The following TPM3 variants were observed in gnomAD, a reference collection of about 807,000 sequenced individuals.
TPM3 encodes the protein tropomyosin 3, also known as tropomyosin alpha-3 chain.
A neutral mutation model predicts 43.1 loss-of-function variants in TPM3; 16 were observed. That is an observed-to-expected ratio of 0.37 (90% CI 0.25 to 0.56). The LOEUF is 0.56. Among genes scored for constraint, TPM3 ranks in the 20% least tolerant of loss-of-function variants. TPM3 has a pLI of 0.77. For synonymous variants in TPM3, 101 were observed against 116.9 expected (o/e 0.86, Z 0.88); for missense variants, 176 against 337.2 (o/e 0.52, Z 3.74).
intron 2 of TPM3, chr1:154,183,592 T>G (rs928559490): frequency 2.9e-5 from 7 of 242,542 alleles, no homozygotes; most frequent in African/African-American, 8.9e-5. Context: ...ATCCTACAAG[T>G]CTCTGCTTCC....
chr1:154,174,407 T>TATATACACACACAC (rs1261318136), intron 3 of TPM3, among the ~76,000 whole-genome samples: 8 of 72,690 alleles, frequency 1.1e-4, no homozygotes, highest in East Asian at 5.8e-4. Context: ...TATATATATA[T>TATATACACACACAC]ACACACAAAA....
Position 154,165,407 on chromosome 1 carries a change from TA to T in TPM3, c.*2529del, listed in dbSNP as rs1485943181. ...TCTCAAAAAGAGAAAAATAAATAAA[TA>T]ATGGAATGCTCAATATTCACTATCC... On this transcript the variant is annotated 3_prime_UTR_variant, in exon 10 of 10. Transcript: ENST00000651641. Among the ~76,000 whole-genome samples, 1 of 151,522 alleles carries T rather than the reference TA, an allele frequency of 6.6e-6. No individual in the cohort carries two copies. Among genetic ancestry groups the T allele is most frequent in the African/African-American group, 2.4e-5 (1 of 41,244 alleles).
chr1:154,178,398 G>A (rs1311932676), intron 2 of TPM3, among the ~76,000 whole-genome samples: 2 of 152,234 alleles, frequency 1.3e-5, no homozygotes, highest in African/African-American at 4.8e-5. Flanking sequence ...CAGAACCTGA[G>A]ATGGGAGTCC....
rs146858769 is a variant in TPM3 at position 154,173,907 on chromosome 1, G to A, written c.378-706C>T. 3.1e-3 allele frequency among the ~76,000 whole-genome samples: 464 copies of A among 151,532 alleles called. 2 individuals carry two copies. Among genetic ancestry groups the A allele is most frequent in the African/African-American group, 0.011 (449 of 41,312 alleles). On this transcript the variant is annotated intron_variant, in intron 3 of 9. Coordinates refer to ENST00000651641, the MANE Select transcript of TPM3 (RefSeq NM_152263.4). ...AGGCAAGATAATCACTTGAACCCGG[G>A]AGGCAGAGGTTGCAGTAAGCCAAGA...
intron 2 of TPM3, among the ~76,000 whole-genome samples, chr1:154,185,098 G>A (rs1236606816): frequency 6.6e-6 from 1 of 152,138 alleles, no homozygotes; most frequent in Non-Finnish European, 1.5e-5. Flanking sequence ...TTGGCCAGAT[G>A]TGGTGGCTCA....
At chr1:154,170,569 C>T (rs1571397039) in intron 7 of TPM3, 80 bp downstream of exon 7, 1 of 1,596,246 alleles carries the variant, frequency 6.3e-7, no homozygotes, top group Non-Finnish European at 8.6e-7. Flanking sequence ...AGAACCCAAA[C>T]CAGCCAGTTT....
At chr1:154,161,498 C>T (rs767660513), downstream of TPM3, among the ~76,000 whole-genome samples, 7 of 138,278 alleles carry the variant, frequency 5.1e-5, no homozygotes, top group Admixed American at 2.4e-4. Flanking sequence ...TGCAATGGTA[C>T]GATTTTGGTT....
In TPM3 at chr1:154,162,374, A is replaced by AC. The variant is rs1452563033; in HGVS notation, c.*5562_*5563insG. Among the ~76,000 whole-genome samples, 34 of 151,506 alleles carry AC rather than the reference A, an allele frequency of 2.2e-4. No homozygotes were observed. Among genetic ancestry groups the AC allele is most frequent in the African/African-American group, 8.0e-4 (33 of 41,338 alleles). ...AGCAAGACTCCGTCTCAAAAAAAAAAAAAAAAAAAAACACAAACCAACCCC... is the reference window on the plus strand; with the variant it reads ...AGCAAGACTCCGTCTCAAAAAAAAAACAAAAAAAAAAACACAAACCAACCCC... On this transcript the variant is annotated 3_prime_UTR_variant, in exon 10 of 10. Transcript: ENST00000651641.
intron 3 of TPM3, among the ~76,000 whole-genome samples, chr1:154,173,629 A>G (rs916909120): frequency 6.7e-6 from 1 of 150,216 alleles, no homozygotes; most frequent in Admixed American, 6.7e-5. Context: ...GAGCCATTGC[A>G]CTCCAGCCTG....
In TPM3 at chr1:154,174,407, T is replaced by TATATATATATATATAC. The variant is rs1261318136; in HGVS notation, c.378-1207_378-1206insGTATATATATATATAT. Among the ~76,000 whole-genome samples, 31 of 72,678 alleles carry TATATATATATATATAC rather than the reference T, an allele frequency of 4.3e-4. 1 individual carries two copies. The highest frequency in any genetic ancestry group is 2.9e-3 in the East Asian group (5 of 1,728). The allele number at this position is 72,678 out of a possible 152,430, so 47.7% of individuals were successfully genotyped here. On this transcript the variant is annotated intron_variant, in intron 3 of 9. Coordinates refer to ENST00000651641, the MANE Select transcript of TPM3 (RefSeq NM_152263.4). Reference sequence around the variant, plus strand: ...ATATATATATATATATATATATATATACACACAAAAATCCCATCCCAGCTT... The same window carrying TATATATATATATATAC: ...ATATATATATATATATATATATATATATATATATATATATACACACACAAAAATCCCATCCCAGCTT...
At chr1:154,185,995 A>G (rs1247750019) in intron 2 of TPM3, among the ~76,000 whole-genome samples, 1 of 151,548 alleles carries the variant, frequency 6.6e-6, no homozygotes, top group Non-Finnish European at 1.5e-5. Flanking sequence ...GTCTAGTTCT[A>G]AGAATGCTCC....
In TPM3 at chr1:154,191,979, A is replaced by G. The variant is rs1571456606; in HGVS notation, c.40T>C (p.Leu14=). The G allele has an allele frequency of 6.2e-7, 1 of 1,613,862 alleles. No individual in the cohort carries two copies. Among genetic ancestry groups the G allele is most frequent in the Non-Finnish European group, 8.5e-7 (1 of 1,179,990 alleles). Residue 14 remains leucine (L), a synonymous_variant, in exon 1 of 10, where the codon TTA becomes CTA. Coordinates refer to ENST00000651641, the MANE Select transcript of TPM3 (RefSeq NM_152263.4). ...AIKKKMQMLK[L]DKENALDRAE... ...CGATCCAGAGCATTCTCCTTGTCTA[A>G]CTTCAGCATCTGCATCTTTTTCTTG... is the stretch of plus-strand genomic sequence containing the variant.
downstream of TPM3, among the ~76,000 whole-genome samples, chr1:154,161,587 C>A (rs940719084): frequency 6.6e-6 from 1 of 151,830 alleles, no homozygotes; most frequent in Non-Finnish European, 1.5e-5. Context: ...AGGCACCCAC[C>A]ACCACGCCCA....
chr1:154,156,919 A>C (rs1220463553), downstream of TPM3: 8 of 197,634 alleles, frequency 4.0e-5, no homozygotes, highest in Non-Finnish European at 7.3e-5. Flanking sequence ...TTCTGTAAGC[A>C]GTTGTGAGGG....
rs1450322402 is a variant in TPM3, at chr1:154,165,354, C to T, written c.*2583G>A. Among the ~76,000 whole-genome samples, 1 of 152,064 alleles carries T rather than the reference C, an allele frequency of 6.6e-6. No individual in the cohort carries two copies. The highest frequency in any genetic ancestry group is 1.5e-5 in the Non-Finnish European group (1 of 68,020). On this transcript the variant is annotated 3_prime_UTR_variant, in exon 10 of 10. Coordinates refer to ENST00000651641, the MANE Select transcript of TPM3 (RefSeq NM_152263.4). ...CCATGATCTCACCACTGCACTCCATCCAGCCTGGGTGACAGAGCGAGACTC... is the reference window on the plus strand; with the variant it reads ...CCATGATCTCACCACTGCACTCCATTCAGCCTGGGTGACAGAGCGAGACTC...
At chr1:154,156,449 A>C (rs1279052178), downstream of TPM3, 2 of 192,314 alleles carry the variant, frequency 1.0e-5, no homozygotes, top group Non-Finnish European at 2.2e-5. Context: ...TCTTTCTCCC[A>C]ATCGGCCCCA....
chr1:154,159,132 A>T, downstream of TPM3: 1 of 745,638 alleles, frequency 1.3e-6, no homozygotes, highest in South Asian at 1.4e-5. Flanking sequence ...AAGTTAGTAG[A>T]GTACCAGAAG....
chr1:154,158,789 T>G (rs1055990005), downstream of TPM3: 2 of 620,658 alleles, frequency 3.2e-6, no homozygotes, highest in Admixed American at 4.5e-5. Context: ...GGACAGAAAC[T>G]TCACAATGGT....
rs1660814236 is a variant in TPM3, at chr1:154,165,245, G to A, written c.*2692C>T. On this transcript the variant is annotated 3_prime_UTR_variant, in exon 10 of 10. Transcript: ENST00000651641. ...AAAAATACAAAAATCAGCTGGGCAT[G>A]GTGGTGGGTATCTGTAATCACAGCT... is the stretch of plus-strand genomic sequence containing the variant. Among the ~76,000 whole-genome samples, 1 of 151,956 alleles carries A rather than the reference G, an allele frequency of 6.6e-6. No individual in the cohort carries two copies. Among genetic ancestry groups the A allele is most frequent in the African/African-American group, 2.4e-5 (1 of 41,354 alleles).
Sources: gnomAD v4.1 joint callset for allele counts (sites outside exome capture counted in the v4.1 genomes callset) on GRCh38, gnomAD v4.1.1 for gene constraint, MANE v1.5 for transcripts, NCBI Gene and HGNC (gene_info 2026-07-23, HGNC 2026-07-21) for gene names.